Variants in INTS1 observed in about 807,000 individuals in gnomAD.
INTS1 encodes integrator complex subunit 1.
A neutral mutation model predicts 241.6 loss-of-function variants in INTS1; 137 were observed. The observed-to-expected ratio is 0.57, with a 90% CI of 0.49 to 0.65. The LOEUF (loss-of-function observed/expected upper bound fraction) is 0.65, where lower values mean the gene tolerates loss of function less well. Among genes scored for constraint, INTS1 ranks in the 30% least tolerant of loss-of-function variants. The probability of loss-of-function intolerance (pLI) is 0.00; values close to 1 mark genes in which losing one functional copy is unlikely to be tolerated. For missense variants in INTS1, 3,073 were observed against 3,032.2 expected, an observed-to-expected ratio of 1.01 and a Z score of -0.32; for synonymous variants, 1,692 against 1,337.8, an observed-to-expected ratio of 1.26 and a Z score of -5.78.
In INTS1 at chr7:1,476,900, C is replaced by T. The variant is rs751579078; in HGVS notation, c.4957G>A (p.Val1653Met). The T allele has an allele frequency of 3.1e-6, 5 of 1,611,574 alleles. No individual in the cohort carries two copies. The African/African-American group carries it at 4.0e-5, about 13-fold the overall frequency. The part of the protein sequence containing the change: ...SRRKGKGQAQ[V>M]PSFRPYLLTL... Reference sequence around the variant, plus strand: ...AGGAGGTAGGGACGGAACGAGGGCACCTGGGCCTGACCTTTGCCCTGGGGA... The same window carrying T: ...AGGAGGTAGGGACGGAACGAGGGCATCTGGGCCTGACCTTTGCCCTGGGGA... Residue 1653 changes from valine to methionine, a missense_variant, in exon 36 of 48, where the codon GTG becomes ATG. Coordinates refer to ENST00000404767, the MANE Select transcript of INTS1 (RefSeq NM_001080453.3).
chr7:1,474,219 C>T lies in INTS1; in HGVS notation c.5778G>A (p.Glu1926=). The stretch of plus-strand genomic sequence containing the variant: ...GGCAGTCCCACAGCGCCCCCTGGTG[C>T]TCGCTGCGGAACACGTGCGGCTGCA... The part of the protein sequence containing the change: ...ELLQPHVFRS[E]HQGALWDCLL... Residue 1926 remains glutamate (E), a synonymous_variant, in exon 41 of 48, where the codon GAG becomes GAA. Transcript: ENST00000404767. 1 of 1,595,500 alleles carries T rather than the reference C, an allele frequency of 6.3e-7. No homozygotes were observed. Among genetic ancestry groups the T allele is most frequent in the Non-Finnish European group, 8.5e-7 (1 of 1,172,192 alleles).
chr7:1,486,881 G>C lies in INTS1; in HGVS notation c.2826+41C>G, dbSNP rs1343711169. On this transcript the variant is annotated intron_variant, in intron 21 of 47. Coordinates refer to ENST00000404767, the MANE Select transcript of INTS1 (RefSeq NM_001080453.3). Reference sequence around the variant, plus strand: ...GCATGGGTTGCCCTGACAGGGGTGCGGGGTGAGAGGCGGGGGGGCTGAGGG... The same window carrying C: ...GCATGGGTTGCCCTGACAGGGGTGCCGGGTGAGAGGCGGGGGGGCTGAGGG... The C allele has an allele frequency of 3.2e-6, 5 of 1,586,826 alleles. No homozygotes were observed. In the African/African-American group the frequency reaches 6.7e-5, roughly 21 times the overall value.
intron 33 of INTS1, 43 bp downstream of exon 33, chr7:1,478,323 C>T: frequency 6.2e-7 from 1 of 1,603,932 alleles, no homozygotes; most frequent in Non-Finnish European, 8.5e-7. Flanking sequence ...TTTGGGTCTT[C>T]CCAGGGCCGC....
Position 1,471,140 on chromosome 7 carries a change from T to C in INTS1, c.6340A>G (p.Ser2114Gly), listed in dbSNP as rs759308683. Residue 2114 changes from serine to glycine, a missense_variant, in exon 46 of 48, where the codon AGC becomes GGC. Physicochemically the swap from Ser to Gly is moderately conservative, Grantham distance 56. Transcript: ENST00000404767. The part of the protein sequence containing the change: ...FSLALRSMQN[S>G]PSIAAAFLPT... ...GGCCGGCGGTGGCCTCACCTGGGGC[T>C]GTTCTGCATGGAGCGCAGGGCCAGG... 3 of 1,570,356 alleles carry C rather than the reference T, an allele frequency of 1.9e-6. No homozygotes were observed. The highest frequency in any genetic ancestry group is 2.7e-5 in the African/African-American group (2 of 74,012).
At chr7:1,503,345 T>C (rs1783292413) in intron 2 of INTS1, among the ~76,000 whole-genome samples, 154 bp from the exon 3 acceptor site, 1 of 152,192 alleles carries the variant, frequency 6.6e-6, no homozygotes, top group African/African-American at 2.4e-5. Flanking sequence ...ACAGCAGAGC[T>C]GGGACCAGCA....
intron 41 of INTS1, 43 bp from the exon 42 acceptor site, chr7:1,473,736 G>A (rs199669980): frequency 3.4e-5 from 55 of 1,609,908 alleles, no homozygotes; most frequent in Non-Finnish European, 1.9e-5. Flanking sequence ...CTGCCCCGCA[G>A]GGCCAAAACA....
intron 3 of INTS1, among the ~76,000 whole-genome samples, chr7:1,501,450 G>A (rs1277896739): frequency 6.6e-6 from 1 of 152,082 alleles, no homozygotes; most frequent in African/African-American, 2.4e-5. Flanking sequence ...TGCCAGCATG[G>A]AGGGACAGCC....
intron 33 of INTS1, 94 bp from the exon 34 acceptor site, chr7:1,478,030 G>A (rs59817562): frequency 6.8e-6 from 7 of 1,032,410 alleles, no homozygotes; most frequent in Non-Finnish European, 6.0e-6. Flanking sequence ...TGTGGGGTGA[G>A]CATGTGTGGG....
chr7:1,491,515 C>T (rs1178243340), intron 16 of INTS1, among the ~76,000 whole-genome samples: 8 of 152,350 alleles, frequency 5.3e-5, no homozygotes, highest in African/African-American at 9.6e-5. Flanking sequence ...TAAATCTCCA[C>T]AACCCTGGAC....
chr7:1,500,389 T>G (rs1583165456), intron 3 of INTS1, 23 bp from the exon 4 acceptor site: 1 of 1,533,526 alleles, frequency 6.5e-7, no homozygotes, highest in Non-Finnish European at 8.8e-7. Flanking sequence ...GGCGGTACGG[T>G]CAGAACGGGG....
intron 16 of INTS1, 122 bp downstream of exon 16, chr7:1,492,888 G>A (rs1189444308): frequency 8.7e-6 from 5 of 576,886 alleles, no homozygotes; most frequent in African/African-American, 8.5e-5. Context: ...GCGGGAGTGG[G>A]GAGCGGGGCG....
rs552027973 is a variant in INTS1 at position 1,499,899 on chromosome 7, G to A, written c.669C>T (p.Pro223=). 2.1e-5 allele frequency: 34 copies of A among 1,612,842 alleles called. No homozygotes were observed. The East Asian group carries it at 2.9e-4, about 14-fold the overall frequency. The change falls in exon 5 of 48, where the codon CCC becomes CCT. Residue 223 remains proline, a synonymous_variant. Coordinates refer to ENST00000404767, the MANE Select transcript of INTS1 (RefSeq NM_001080453.3). ...MAAYEEDENW[P]EIFVKVYIED... Reference sequence around the variant, plus strand: ...GGACGCTCACCTTGACAAAGATCTCGGGCCAGTTCTCGTCCTCCTCGTAGG... The same window carrying A: ...GGACGCTCACCTTGACAAAGATCTCAGGCCAGTTCTCGTCCTCCTCGTAGG...
At chr7:1,495,857 C>T (rs71523239) in intron 12 of INTS1, among the ~76,000 whole-genome samples, 1 of 152,210 alleles carries the variant, frequency 6.6e-6, no homozygotes, top group African/African-American at 2.4e-5. Flanking sequence ...AACACCACCT[C>T]CCCTCCCCAC....
In INTS1 at chr7:1,489,703, G is replaced by A. The variant is rs138829453; in HGVS notation, c.2166-21C>T. The A allele has an allele frequency of 3.9e-4, 569 of 1,468,360 alleles. 1 individual carries two copies. The African/African-American group carries it at 6.0e-3, about 15-fold the overall frequency. 91.0% of individuals were successfully genotyped at this position (1,468,360 alleles called of 1,614,324 possible). A position where few individuals can be genotyped will look rare whatever the true frequency, so the allele number is the denominator to read the frequency against. On this transcript the variant is annotated intron_variant, in intron 16 of 47. Coordinates refer to ENST00000404767, the MANE Select transcript of INTS1 (RefSeq NM_001080453.3). ...GGTACCTGGAAGGCAGGGGCGCCCC[G>A]ACTCAGGCCCAGCGCACCAAGCTCA...
chr7:1,471,496 T>G (rs1781465216), intron 45 of INTS1, 75 bp downstream of exon 45: 2 of 1,494,400 alleles, frequency 1.3e-6, no homozygotes, highest in Non-Finnish European at 1.9e-6. Context: ...GCACGCCATG[T>G]TGGGGTGGTG....
At chr7:1,495,085 C>G (rs189263162) in intron 13 of INTS1, among the ~76,000 whole-genome samples, 192 bp from the exon 14 acceptor site, 6 of 147,922 alleles carry the variant, frequency 4.1e-5, no homozygotes, top group Middle Eastern at 3.2e-3. Context: ...CCAGGCTGCA[C>G]AGCGGCCGAA....
chr7:1,503,875 G>C, intron 2 of INTS1, 28 bp downstream of exon 2: 7 of 1,245,366 alleles, frequency 5.6e-6, no homozygotes, highest in Admixed American at 2.4e-5. Flanking sequence ...AAAGACCCCC[G>C]GGCTGCAGAG....
At position 1,481,089 on chromosome 7, in the gene INTS1, C is replaced by G; in HGVS notation, c.3851-156G>C. Reference sequence around the variant, plus strand: ...GTGAGCTCAGTCAGCACTGAGGCCCCAACAGCTCCCTCCAAGCTCAAAACA... The same window carrying G: ...GTGAGCTCAGTCAGCACTGAGGCCCGAACAGCTCCCTCCAAGCTCAAAACA... On this transcript the variant is annotated intron_variant, in intron 28 of 47. Coordinates refer to ENST00000404767, the MANE Select transcript of INTS1 (RefSeq NM_001080453.3). This position sits in a 1 kb window ranked among gnomAD's most constrained non-coding sequence, Gnocchi z 6.8. 4.3e-6 allele frequency: 3 copies of G among 690,264 alleles called. No homozygotes were observed. Among genetic ancestry groups the G allele is most frequent in the Non-Finnish European group, 7.6e-6 (3 of 396,442 alleles). The allele number at this position is 690,264 out of a possible 1,614,324, so 42.8% of individuals were successfully genotyped here. A position where few individuals can be genotyped will look rare whatever the true frequency, so the allele number is the denominator to read the frequency against.
intron 16 of INTS1, among the ~76,000 whole-genome samples, chr7:1,490,100 C>A (rs1047731387): frequency 6.6e-6 from 1 of 150,608 alleles, no homozygotes; most frequent in East Asian, 2.0e-4. Context: ...AGATGTGAAT[C>A]GAGGCACTGC....
Sources: gnomAD v4.1 joint callset for allele counts (sites outside exome capture counted in the v4.1 genomes callset) on GRCh38, gnomAD v4.1.1 for gene constraint, Gnocchi (gnomAD v3.1) non-coding constraint, MANE v1.5 for transcripts, NCBI Gene and HGNC (gene_info 2026-07-23, HGNC 2026-07-21) for gene names.